The following MRPS35 variants were observed in gnomAD, a reference collection of about 807,000 sequenced individuals.
MRPS35 encodes small ribosomal subunit protein mS35.
MRPS35 carries 29 observed loss-of-function variants against 32.7 expected under a neutral mutation model. That is an observed-to-expected ratio of 0.89 (90% CI 0.66 to 1.21). The LOEUF (loss-of-function observed/expected upper bound fraction) is 1.21, where lower values mean the gene tolerates loss of function less well. Among genes scored for constraint, MRPS35 ranks in the 50% most tolerant of loss-of-function variants. The pLI, the probability that MRPS35 is intolerant of heterozygous loss-of-function variation, is 0.00. For missense variants in MRPS35, 373 were observed against 383.8 expected, an observed-to-expected ratio of 0.97 and a Z score of 0.23; for synonymous variants, 148 against 139.3, an observed-to-expected ratio of 1.06 and a Z score of -0.44.
At chr12:27,739,424 A>G (rs2061954922) in intron 7 of MRPS35, among the ~76,000 whole-genome samples, 1 of 152,254 alleles carries the variant, frequency 6.6e-6, no homozygotes, top group Admixed American at 6.5e-5. Flanking sequence ...CTTTTCCTTC[A>G]TATTATGATA....
intron 3 of MRPS35, 43 bp downstream of exon 3, chr12:27,716,501 A>G: frequency 1.3e-6 from 2 of 1,598,164 alleles, no homozygotes; most frequent in Middle Eastern, 3.3e-4. Context: ...TTACATAGAA[A>G]TAAATGCTGA....
intron 7 of MRPS35, among the ~76,000 whole-genome samples, chr12:27,743,694 T>A (rs1478921840): frequency 6.6e-6 from 1 of 152,114 alleles, no homozygotes; most frequent in Non-Finnish European, 1.5e-5. Context: ...AGTGTTAAGG[T>A]TGTCTTAGTT....
At chr12:27,745,065 C>T (rs1193888469) in intron 7 of MRPS35, among the ~76,000 whole-genome samples, 1 of 152,172 alleles carries the variant, frequency 6.6e-6, no homozygotes, top group African/African-American at 2.4e-5. Context: ...AAGTGATCCT[C>T]CCGCCTCAGC....
chr12:27,717,599 T>C (rs1210136845), intron 3 of MRPS35, among the ~76,000 whole-genome samples: 1 of 152,214 alleles, frequency 6.6e-6, no homozygotes, highest in East Asian at 1.9e-4. Context: ...GGGTACTCTG[T>C]TGCTGGAGAC....
chr12:27,719,643 G>A (rs548417139), intron 3 of MRPS35, among the ~76,000 whole-genome samples, 165 bp from the exon 4 acceptor site: 6 of 150,410 alleles, frequency 4.0e-5, no homozygotes, highest in East Asian at 3.9e-4. Context: ...TCCGCAGTCC[G>A]GCCTGGGCGA....
intron 7 of MRPS35, among the ~76,000 whole-genome samples, chr12:27,746,151 A>G (rs2061981365): frequency 1.3e-5 from 2 of 152,326 alleles, no homozygotes; most frequent in Admixed American, 1.3e-4. Flanking sequence ...TAAAAGCTCC[A>G]CAGGTGATTC....
intron 7 of MRPS35, among the ~76,000 whole-genome samples, chr12:27,738,334 A>C (rs1242456419): frequency 6.6e-6 from 1 of 152,198 alleles, no homozygotes; most frequent in African/African-American, 2.4e-5. Context: ...CATGAGATCA[A>C]GTGTAAATTT....
At chr12:27,724,399 T>A (rs1565466123) in intron 5 of MRPS35, among the ~76,000 whole-genome samples, 1 of 152,012 alleles carries the variant, frequency 6.6e-6, no homozygotes, top group Admixed American at 6.6e-5. Context: ...AATTGATATG[T>A]GTGATTATAA....
At chr12:27,716,517 C>T (rs981077020) in intron 3 of MRPS35, 59 bp downstream of exon 3, 37 of 1,559,472 alleles carry the variant, frequency 2.4e-5, no homozygotes, top group Middle Eastern at 1.7e-4. Flanking sequence ...GCTGATCTTC[C>T]CCCCTATTTC....
intron 5 of MRPS35, among the ~76,000 whole-genome samples, chr12:27,730,752 G>A (rs942702426): frequency 4.6e-5 from 7 of 152,134 alleles, no homozygotes; most frequent in African/African-American, 1.7e-4. Context: ...ATTACAGGCA[G>A]TGAGCCACTG....
chr12:27,718,005 G>T (rs941517354), intron 3 of MRPS35, among the ~76,000 whole-genome samples: 1 of 152,126 alleles, frequency 6.6e-6, no homozygotes, highest in African/African-American at 2.4e-5. Flanking sequence ...TCTGTTAAAA[G>T]TAGCCCCTCA....
intron 7 of MRPS35, among the ~76,000 whole-genome samples, chr12:27,742,048 A>T (rs2061966129): frequency 6.6e-6 from 1 of 152,200 alleles, no homozygotes; most frequent in Non-Finnish European, 1.5e-5. Context: ...GGATCTGTTG[A>T]GCCCAGGAAT....
chr12:27,717,034 TG>T (rs1388031260), intron 3 of MRPS35, among the ~76,000 whole-genome samples: 1 of 152,038 alleles, frequency 6.6e-6, no homozygotes, highest in East Asian at 1.9e-4. Context: ...TGGCTTCCCT[TG>T]TGACCTTTTT....
In MRPS35 at chr12:27,717,808, A is replaced by T. The variant is rs2140754465; in HGVS notation, c.321+1350A>T. ...CATTTTAATAAACATAAAAATCCAA[A>T]CATTTAATGCATGCCATTTATTTGT... is the stretch of plus-strand genomic sequence containing the variant. On this transcript the variant is annotated intron_variant, in intron 3 of 7. Transcript: ENST00000081029. 3.3e-5 allele frequency among the ~76,000 whole-genome samples: 5 copies of T among 152,356 alleles called. 1 individual carries two copies. Among genetic ancestry groups the T allele is most frequent in the Non-Finnish European group, 7.3e-5 (5 of 68,034 alleles).
chr12:27,711,558 A>G (rs1770212312), intron 1 of MRPS35, among the ~76,000 whole-genome samples: 1 of 152,076 alleles, frequency 6.6e-6, no homozygotes, highest in South Asian at 2.1e-4. Flanking sequence ...GTTGAGGAGG[A>G]GCTGGCGTGA....
In MRPS35 at chr12:27,724,063, G is replaced by A. The variant is rs1337138953; in HGVS notation, c.399G>A (p.Trp133Ter). ...TATTCTCAGATTTTTGCACTGAGTG[G>A]CCAGCCGCACTGGACAGTGACGAGA... ...CEALKDFCTE[W>*]PAALDSDEKC... The change falls in exon 5 of 8, where the codon TGG (tryptophan) becomes TGA (stop). Residue 133 changes from tryptophan to a stop codon, truncating the protein, a stop_gained. Coordinates refer to ENST00000081029, the MANE Select transcript of MRPS35 (RefSeq NM_021821.4). LOFTEE classifies it high-confidence loss of function. The A allele has an allele frequency of 6.2e-7, 1 of 1,601,716 alleles. No individual in the cohort carries two copies. The highest frequency in any genetic ancestry group is 8.5e-7 in the Non-Finnish European group (1 of 1,177,206).
intron 5 of MRPS35, among the ~76,000 whole-genome samples, chr12:27,727,133 TG>T (rs537013640): frequency 1.0e-3 from 154 of 152,152 alleles, no homozygotes; most frequent in African/African-American, 3.5e-3. Context: ...GCTAATTTTT[TG>T]TATTTTTAGT....
chr12:27,750,174 T>G (rs1179093990), intron 7 of MRPS35, among the ~76,000 whole-genome samples: 2 of 152,206 alleles, frequency 1.3e-5, no homozygotes, highest in Non-Finnish European at 2.9e-5. Context: ...ATGTGTTGGA[T>G]TAGGTGATGC....
In MRPS35 at chr12:27,754,493, G is replaced by A. The variant is rs572720575; in HGVS notation, c.703-688G>A. 9.9e-5 allele frequency among the ~76,000 whole-genome samples: 15 copies of A among 152,060 alleles called. No individual in the cohort carries two copies. In the East Asian group the frequency reaches 2.1e-3, roughly 22 times the overall value. ...AGAAATGCAAAATGTTGGGCCAGGC[G>A]CAGTGGCTTACCTCTGTAATCCCAG... On this transcript the variant is annotated intron_variant, in intron 7 of 7. Transcript: ENST00000081029.
Sources: gnomAD v4.1 joint callset for allele counts (sites outside exome capture counted in the v4.1 genomes callset) on GRCh38, gnomAD v4.1.1 for gene constraint, MANE v1.5 for transcripts, NCBI Gene and HGNC (gene_info 2026-07-23, HGNC 2026-07-21) for gene names.